Variants in EHD3 observed in about 807,000 individuals in gnomAD.
The protein encoded by EHD3 is EH domain containing 3, also known as EH domain-containing protein 3.
A neutral mutation model predicts 43.0 loss-of-function variants in EHD3; 17 were observed. The ratio of observed to expected loss-of-function variants is 0.40; its 90% CI spans 0.27 to 0.59. EHD3 has a LOEUF of 0.59. Among genes scored for constraint, EHD3 ranks in the 20% least tolerant of loss-of-function variants. The pLI, the probability that EHD3 is intolerant of heterozygous loss-of-function variation, is 0.49. For synonymous variants in EHD3, 313 were observed against 289.5 expected, an observed-to-expected ratio of 1.08 and a Z score of -0.82; for missense variants, 594 against 705.6, an observed-to-expected ratio of 0.84 and a Z score of 1.79.
chr2:31,249,572 G>A (rs901634307), intron 3 of EHD3, 104 bp downstream of exon 3: 10 of 1,020,024 alleles, frequency 9.8e-6, no homozygotes, highest in Non-Finnish European at 1.2e-5. Flanking sequence ...GCTGTCCCTT[G>A]GTGAGCCGGC....
At chr2:31,245,119 C>T (rs1274295224) in intron 2 of EHD3, among the ~76,000 whole-genome samples, 2 of 152,188 alleles carry the variant, frequency 1.3e-5, no homozygotes, top group Non-Finnish European at 2.9e-5. Context: ...AATCCAGTTT[C>T]ACATGTGCAT....
chr2:31,266,858 C>A lies in EHD3; in HGVS notation c.*154C>A. ...TGTAGGTGAGAGAGGACCATGACGCCCATGTTTGCAGCTGATACTTGTTTG... is the reference window on the plus strand; with the variant it reads ...TGTAGGTGAGAGAGGACCATGACGCACATGTTTGCAGCTGATACTTGTTTG... On this transcript the variant is annotated 3_prime_UTR_variant, in exon 6 of 6. Coordinates refer to ENST00000322054, the MANE Select transcript of EHD3 (RefSeq NM_014600.3). This position sits in a 1 kb window ranked among gnomAD's most constrained non-coding sequence, Gnocchi z 5.1. The A allele has an allele frequency of 9.6e-7, 1 of 1,045,582 alleles. No individual in the cohort carries two copies. The allele number at this position is 1,045,582 out of a possible 1,614,324, so 64.8% of individuals were successfully genotyped here.
intron 1 of EHD3, among the ~76,000 whole-genome samples, chr2:31,239,809 C>T (rs1683384470): frequency 6.6e-6 from 1 of 150,488 alleles, no homozygotes; most frequent in Non-Finnish European, 1.5e-5. Flanking sequence ...AGGCACCGCG[C>T]ATGGGGCTTT....
At chr2:31,249,736 TA>T (rs1683598379) in intron 3 of EHD3, among the ~76,000 whole-genome samples, 1 of 152,144 alleles carries the variant, frequency 6.6e-6, no homozygotes, top group Non-Finnish European at 1.5e-5. Context: ...ATATCAGTCT[TA>T]CCTCGTTGGG....
rs553843907 is a variant in EHD3, at chr2:31,266,830, C to T, written c.*126C>T. On this transcript the variant is annotated 3_prime_UTR_variant, in exon 6 of 6. Coordinates refer to ENST00000322054, the MANE Select transcript of EHD3 (RefSeq NM_014600.3). This position sits in a 1 kb window ranked among gnomAD's most constrained non-coding sequence, Gnocchi z 5.1. ...CACACATATGCATATCTTGACATTG[C>T]TCTGTAGGTGAGAGAGGACCATGAC... The T allele has an allele frequency of 8.0e-6, 10 of 1,245,116 alleles. No individual in the cohort carries two copies. In the African/African-American group the frequency reaches 1.1e-4, roughly 13 times the overall value. 77.1% of individuals were successfully genotyped at this position (1,245,116 alleles called of 1,614,324 possible). A position where few individuals can be genotyped will look rare whatever the true frequency, so the allele number is the denominator to read the frequency against.
chr2:31,243,303 A>T (rs1683455125), intron 1 of EHD3, among the ~76,000 whole-genome samples: 1 of 152,050 alleles, frequency 6.6e-6, no homozygotes, highest in Admixed American at 6.6e-5. Flanking sequence ...TAAGATCATA[A>T]ATGTGTAGAT....
chr2:31,235,282 C>T (rs1558645397), intron 1 of EHD3, among the ~76,000 whole-genome samples: 1 of 152,074 alleles, frequency 6.6e-6, no homozygotes, highest in African/African-American at 2.4e-5. Flanking sequence ...GCTTGGCACT[C>T]ACATGGGGGC....
chr2:31,257,691 TA>T (rs1013620040), intron 3 of EHD3, among the ~76,000 whole-genome samples: 2 of 152,290 alleles, frequency 1.3e-5, no homozygotes, highest in Non-Finnish European at 2.9e-5. Context: ...AGTTGGAGGC[TA>T]GGGGTCGTGT....
chr2:31,265,712 G>T (rs1175437992), intron 5 of EHD3, among the ~76,000 whole-genome samples: 3 of 152,152 alleles, frequency 2.0e-5, no homozygotes, highest in Admixed American at 1.3e-4. Context: ...ACGAGGTAAT[G>T]TAGTGAAGGC....
intron 3 of EHD3, among the ~76,000 whole-genome samples, chr2:31,257,892 C>T (rs963717692): frequency 7.9e-5 from 12 of 152,114 alleles, no homozygotes; most frequent in African/African-American, 2.2e-4. Flanking sequence ...ACCAGGCCCT[C>T]GATGACGCAC....
intron 5 of EHD3, among the ~76,000 whole-genome samples, chr2:31,262,837 C>T (rs1683880467): frequency 6.6e-6 from 1 of 152,214 alleles, no homozygotes; most frequent in African/African-American, 2.4e-5. Flanking sequence ...ATCACTTGAA[C>T]CCAGGAGTCA....
rs577220013 is a variant in EHD3 at position 31,243,768 on chromosome 2, C to G, written c.228-506C>G. Reference sequence around the variant, plus strand: ...CGCGCCTGGCCAGAGATTCATTTTTCATAGTGTACCTTTTATATTGTTTGT... The same window carrying G: ...CGCGCCTGGCCAGAGATTCATTTTTGATAGTGTACCTTTTATATTGTTTGT... On this transcript the variant is annotated intron_variant, in intron 1 of 5. Coordinates refer to ENST00000322054, the MANE Select transcript of EHD3 (RefSeq NM_014600.3). Among the ~76,000 whole-genome samples the G allele has an allele frequency of 2.6e-3, 400 of 152,076 alleles. 3 individuals carry two copies. In the Middle Eastern group the frequency reaches 0.027, roughly 10 times the overall value.
intron 3 of EHD3, among the ~76,000 whole-genome samples, chr2:31,255,258 C>T (rs998335457): frequency 1.3e-5 from 2 of 152,216 alleles, no homozygotes; most frequent in African/African-American, 4.8e-5. Context: ...GTCCATATTT[C>T]ATGAACACTT....
chr2:31,237,372 G>A (rs189314524), intron 1 of EHD3, among the ~76,000 whole-genome samples: 24 of 152,056 alleles, frequency 1.6e-4, no homozygotes, highest in African/African-American at 5.5e-4. Context: ...TTGAGATCAT[G>A]CTATACATAT....
chr2:31,260,527 G>A lies in EHD3; in HGVS notation c.520G>A (p.Val174Ile), dbSNP rs749920764. 1.2e-6 allele frequency: 2 copies of A among 1,607,826 alleles called. No individual in the cohort carries two copies. Among genetic ancestry groups the A allele is most frequent in the Non-Finnish European group, 1.7e-6 (2 of 1,175,896 alleles). The change falls in exon 4 of 6, where the codon GTC (valine) becomes ATC (isoleucine). Residue 174 changes from valine (V) to isoleucine (I), a missense_variant. Physicochemically the swap from Val to Ile is conservative, Grantham distance 29. Coordinates refer to ENST00000322054, the MANE Select transcript of EHD3 (RefSeq NM_014600.3). The surrounding 1 kb of genome is among the most constrained non-coding windows in gnomAD (Gnocchi z 4.6). ...GCCGGCAGGGTATGACTTTGCAGCT[G>A]TCCTTGAGTGGTTTGCCGAGCGGGT... ...RISRGYDFAA[V>I]LEWFAERVDR... is the part of the protein sequence containing the mutation.
intron 3 of EHD3, among the ~76,000 whole-genome samples, chr2:31,256,904 C>G (rs1683761122): frequency 6.6e-6 from 1 of 152,254 alleles, no homozygotes; most frequent in East Asian, 1.9e-4. Flanking sequence ...CTCTCACCCT[C>G]TATAAACCTC....
chr2:31,264,034 G>A (rs1265543262), intron 5 of EHD3, among the ~76,000 whole-genome samples: 3 of 152,148 alleles, frequency 2.0e-5, no homozygotes, highest in Non-Finnish European at 2.9e-5. Context: ...TCAAACCCTC[G>A]GGGACAGTCA....
chr2:31,249,415 G>A lies in EHD3; in HGVS notation c.449G>A (p.Ser150Asn). 4 of 1,614,206 alleles carry A rather than the reference G, an allele frequency of 2.5e-6. No individual in the cohort carries two copies. Among genetic ancestry groups the A allele is most frequent in the Non-Finnish European group, 3.4e-6 (4 of 1,180,026 alleles). ...QLPNPVLESI[S>N]VIDTPGILSG... is the part of the protein sequence containing the mutation. Reference sequence around the variant, plus strand: ...CCTAACCCTGTGCTGGAGAGCATCAGCGTCATCGACACACCAGGGATCCTC... The same window carrying A: ...CCTAACCCTGTGCTGGAGAGCATCAACGTCATCGACACACCAGGGATCCTC... The change falls in exon 3 of 6, where the codon AGC becomes AAC. Residue 150 changes from serine (S) to asparagine (N), a missense_variant. By Grantham distance (46) the Ser-to-Asn change is conservative. Transcript: ENST00000322054.
intron 4 of EHD3, among the ~76,000 whole-genome samples, chr2:31,261,337 C>T (rs59243091): frequency 0.014 from 2,176 of 152,270 alleles, 48 homozygotes; most frequent in African/African-American, 0.047. Flanking sequence ...CCATAGCTCC[C>T]CACAACCTCA....
Sources: allele counts gnomAD v4.1 joint callset (sites outside exome capture counted in the v4.1 genomes callset), GRCh38; gene constraint gnomAD v4.1.1; non-coding constraint Gnocchi (gnomAD v3.1); transcripts MANE v1.5; gene names NCBI Gene and HGNC (gene_info 2026-07-23, HGNC 2026-07-21).